The following TMEM168 variants were observed in gnomAD, a reference collection of about 807,000 sequenced individuals.
The protein encoded by TMEM168 is transmembrane protein 168.
TMEM168 carries 40 observed loss-of-function variants against 53.2 expected under a neutral mutation model. The observed-to-expected ratio is 0.75, with a 90% CI of 0.58 to 0.98. The LOEUF (loss-of-function observed/expected upper bound fraction) is 0.98, where lower values mean the gene tolerates loss of function less well. TMEM168 is among the 50% of genes least tolerant of loss of function. The pLI is 0.00. For synonymous variants in TMEM168, 282 were observed against 293.0 expected (o/e 0.96, Z 0.38); for missense variants, 771 against 828.8 (o/e 0.93, Z 0.86).
intron 2 of TMEM168, among the ~76,000 whole-genome samples, chr7:112,781,726 T>A (rs897551157): frequency 3.3e-5 from 5 of 150,556 alleles, no homozygotes; most frequent in Non-Finnish European, 7.4e-5. Flanking sequence ...CAAACTTAGA[T>A]CCTTATCTCA....
chr7:112,773,843 C>A (rs1234045413), intron 3 of TMEM168, among the ~76,000 whole-genome samples: 2 of 151,988 alleles, frequency 1.3e-5, no homozygotes, highest in Non-Finnish European at 2.9e-5. Context: ...TTTTTCATTA[C>A]AGTCACAAAA....
chr7:112,776,368 GA>G (rs1409494525), intron 2 of TMEM168, among the ~76,000 whole-genome samples: 1 of 152,028 alleles, frequency 6.6e-6, no homozygotes, highest in Non-Finnish European at 1.5e-5. Flanking sequence ...TCATTTAAGT[GA>G]AAAGAAAATG....
At chr7:112,788,733 A>G (rs990972475) in intron 1 of TMEM168, among the ~76,000 whole-genome samples, 2 of 151,718 alleles carry the variant, frequency 1.3e-5, no homozygotes, top group Non-Finnish European at 2.9e-5. Flanking sequence ...TACTATTCTA[A>G]CCCTCCTCTC....
intron 1 of TMEM168, among the ~76,000 whole-genome samples, chr7:112,785,889 T>C (rs1045544045): frequency 6.6e-6 from 1 of 152,156 alleles, no homozygotes; most frequent in Non-Finnish European, 1.5e-5. Flanking sequence ...TAATGCTATC[T>C]AAAGAGAACC....
chr7:112,784,590 C>G lies in TMEM168; in HGVS notation c.236G>C (p.Ser79Thr). 1 of 1,612,196 alleles carries G rather than the reference C, an allele frequency of 6.2e-7. No homozygotes were observed. ...CATTGAAAAATAGTAATAGAGTATG[C>G]TGGCGATTCCAAGAACAAAAAGACC... ...ILGLFVLGIA[S>T]ILYYYFSMEA... Residue 79 changes from serine to threonine, a missense_variant, in exon 2 of 5, where the codon AGC (serine) becomes ACC (threonine). Ser to Thr is a moderately conservative substitution (Grantham distance 58). Transcript: ENST00000312814.
In TMEM168 at chr7:112,775,224, C is replaced by A; in HGVS notation, c.1223G>T (p.Gly408Val). Residue 408 changes from glycine to valine, a missense_variant, in exon 3 of 5, where the codon GGA (glycine) becomes GTA (valine). Transcript: ENST00000312814. The stretch of plus-strand genomic sequence containing the variant: ...AATAGCATATCCAACAGATGTTCCT[C>A]CTAAACAGTTACCCAATTCATGGAA... ...GLFHELGNCL[G>V]GTSVGYAIVI... 3 of 1,613,728 alleles carry A rather than the reference C, an allele frequency of 1.9e-6. No homozygotes were observed. The highest frequency in any genetic ancestry group is 2.5e-6 in the Non-Finnish European group (3 of 1,179,864).
At chr7:112,785,516 A>G (rs918781567) in intron 1 of TMEM168, among the ~76,000 whole-genome samples, 10 of 152,220 alleles carry the variant, frequency 6.6e-5, no homozygotes, top group Non-Finnish European at 1.3e-4. Flanking sequence ...AAAGTTACTC[A>G]GTCCCTAAAG....
At chr7:112,773,131 G>C in intron 3 of TMEM168, 76 bp from the exon 4 acceptor site, 2 of 1,427,798 alleles carry the variant, frequency 1.4e-6, no homozygotes, top group Middle Eastern at 1.9e-4. Flanking sequence ...GATTATCTAA[G>C]AATCAGTTAT....
rs1044496193 is a variant in TMEM168, at chr7:112,766,619, A to T, written c.*578T>A. 4.6e-5 allele frequency: 7 copies of T among 152,898 alleles called. No individual in the cohort carries two copies. Among genetic ancestry groups the T allele is most frequent in the African/African-American group, 1.7e-4 (7 of 41,588 alleles). 9.5% of individuals were successfully genotyped at this position (152,898 alleles called of 1,614,324 possible). The stretch of plus-strand genomic sequence containing the variant: ...TAAAATGTAACTTGGGTTCTCTGCC[A>T]CACTGGTAATAAGTCACAACCAAGA... On this transcript the variant is annotated 3_prime_UTR_variant, in exon 5 of 5. Transcript: ENST00000312814.
At chr7:112,771,520 G>C (rs1792930057) in intron 4 of TMEM168, among the ~76,000 whole-genome samples, 1 of 152,128 alleles carries the variant, frequency 6.6e-6, no homozygotes, top group Non-Finnish European at 1.5e-5. Context: ...TGCTTAAAAT[G>C]TACCCAATAA....
At chr7:112,782,742 A>G (rs1793265094) in intron 2 of TMEM168, among the ~76,000 whole-genome samples, 1 of 152,192 alleles carries the variant, frequency 6.6e-6, no homozygotes, top group African/African-American at 2.4e-5. Context: ...ACTGTTACAA[A>G]GCAGAGAGCT....
chr7:112,765,732 T>A lies in TMEM168; in HGVS notation c.*1465A>T, dbSNP rs1424646933. On this transcript the variant is annotated 3_prime_UTR_variant, in exon 5 of 5. Coordinates refer to ENST00000312814, the MANE Select transcript of TMEM168 (RefSeq NM_022484.6). ...TATTTGCACATCATTAAATAAAAAA[T>A]TAATTTTTAACAAAATTTTATTTAG... is the stretch of plus-strand genomic sequence containing the variant. 6.6e-6 allele frequency: 1 copy of A among 152,190 alleles called. No individual in the cohort carries two copies. Among genetic ancestry groups the A allele is most frequent in the African/African-American group, 2.4e-5 (1 of 41,092 alleles). The allele number at this position is 152,190 out of a possible 1,614,324, so 9.4% of individuals were successfully genotyped here. A position where few individuals can be genotyped will look rare whatever the true frequency, so the allele number is the denominator to read the frequency against.
intron 2 of TMEM168, among the ~76,000 whole-genome samples, chr7:112,783,467 G>A (rs930049118): frequency 5.9e-5 from 9 of 152,174 alleles, no homozygotes; most frequent in East Asian, 3.8e-4. Context: ...GTCAGGAAGC[G>A]GGAGGCATCT....
rs1793335952 is a variant in TMEM168, at chr7:112,784,794, T to C, written c.32A>G (p.His11Arg). ...TCTTGTCATTGCTAAATAGAGACAA[T>C]GACTAAAGCAATAACGCAGTGATTT... MCKSLRYCFS[H>R]CLYLAMTRLE... Residue 11 changes from histidine (H) to arginine (R), a missense_variant, in exon 2 of 5, where the codon CAT (histidine) becomes CGT (arginine). His to Arg is a conservative substitution (Grantham distance 29). Transcript: ENST00000312814. The C allele has an allele frequency of 6.2e-7, 1 of 1,600,816 alleles. No individual in the cohort carries two copies.
At chr7:112,775,109 T>G in intron 3 of TMEM168, 67 bp downstream of exon 3, 1 of 1,306,410 alleles carries the variant, frequency 7.7e-7, no homozygotes. Context: ...CTATATTTTA[T>G]TCATATAAAT....
chr7:112,773,723 AT>A (rs1448115515), intron 3 of TMEM168, among the ~76,000 whole-genome samples: 1 of 152,162 alleles, frequency 6.6e-6, no homozygotes, highest in Non-Finnish European at 1.5e-5. Flanking sequence ...AATACCATTA[AT>A]ATTGAGAAAG....
Position 112,784,692 on chromosome 7 carries a change from A to G in TMEM168, c.134T>C (p.Leu45Ser). Residue 45 changes from leucine (L) to serine (S), a missense_variant, in exon 2 of 5, where the codon TTG becomes TCG. Physicochemically the swap from Leu to Ser is moderately radical, Grantham distance 145. Transcript: ENST00000312814. Reference sequence around the variant, plus strand: ...GTATAGACCTAAGCATATAGCAACCAATAAATTGATTCTGGCTAAATAGCC... The same window carrying G: ...GTATAGACCTAAGCATATAGCAACCGATAAATTGATTCTGGCTAAATAGCC... Reference protein sequence around the residue: ...YLGYLARINLLVAICLGLYVR... With the variant: ...YLGYLARINLSVAICLGLYVR... The G allele has an allele frequency of 6.2e-7, 1 of 1,614,072 alleles. No individual in the cohort carries two copies. The highest frequency in any genetic ancestry group is 8.5e-7 in the Non-Finnish European group (1 of 1,179,996).
At chr7:112,786,598 G>GTT (rs111631794) in intron 1 of TMEM168, among the ~76,000 whole-genome samples, 2 of 145,794 alleles carry the variant, frequency 1.4e-5, no homozygotes, top group African/African-American at 5.0e-5. Context: ...AATGCATTGA[G>GTT]TTTTTTTTTT....
chr7:112,768,556 A>C (rs1293180748), intron 4 of TMEM168, among the ~76,000 whole-genome samples: 2 of 152,212 alleles, frequency 1.3e-5, no homozygotes, highest in Non-Finnish European at 2.9e-5. Context: ...ATATACCCAG[A>C]AAGTTCTAAA....
Sources: allele counts gnomAD v4.1 joint callset (sites outside exome capture counted in the v4.1 genomes callset), GRCh38; gene constraint gnomAD v4.1.1; transcripts MANE v1.5; gene names NCBI Gene and HGNC (gene_info 2026-07-23, HGNC 2026-07-21).